The following PRR5L variants were observed in gnomAD, a reference collection of about 807,000 sequenced individuals.
PRR5L encodes the protein proline rich 5 like.
PRR5L carries 21 observed loss-of-function variants against 36.4 expected under a neutral mutation model. The ratio of observed to expected loss-of-function variants is 0.58; its 90% CI spans 0.41 to 0.83. The LOEUF (loss-of-function observed/expected upper bound fraction) is 0.83. Ranked by LOEUF, PRR5L falls within the 40% of genes least tolerant of loss-of-function variation. The pLI is 0.00. For missense variants in PRR5L, 381 were observed against 473.3 expected (o/e 0.80, Z 1.81); for synonymous variants, 188 against 197.0 (o/e 0.95, Z 0.38).
chr11:36,356,982 C>T (rs1053337830), intron 1 of PRR5L, among the ~76,000 whole-genome samples: 8 of 152,172 alleles, frequency 5.3e-5, no homozygotes, highest in African/African-American at 1.9e-4. Context: ...GGGTCAAAAG[C>T]TAGACCTCTT....
intron 1 of PRR5L, among the ~76,000 whole-genome samples, chr11:36,355,385 T>C (rs1025973069): frequency 6.6e-6 from 1 of 152,172 alleles, no homozygotes; most frequent in Non-Finnish European, 1.5e-5. Context: ...TCTAAGCATA[T>C]TGCACTTTCA....
At position 36,403,789 on chromosome 11, in the gene PRR5L, G is replaced by A. The variant is rs76180208; in HGVS notation, c.245+411G>A. On this transcript the variant is annotated intron_variant, in intron 3 of 8. Coordinates refer to ENST00000530639, the MANE Select transcript of PRR5L (RefSeq NM_001160167.2). ...GACTTACCAGCAAACATTTGAGTGC[G>A]TCTCTGTTGGCCAGGCACTGGAGAG... is the stretch of plus-strand genomic sequence containing the variant. 5.3e-5 allele frequency among the ~76,000 whole-genome samples: 8 copies of A among 152,268 alleles called. No individual in the cohort carries two copies. In the East Asian group the frequency reaches 9.6e-4, roughly 18 times the overall value.
Position 36,354,919 on chromosome 11 carries a change from C to A in PRR5L, c.-125-46078C>A, listed in dbSNP as rs138234410. ...TGTGGCTAGAGCTCAGCATCAATTTCAGATGCCTTATGCAAATTCAGGAGA... is the reference window on the plus strand; with the variant it reads ...TGTGGCTAGAGCTCAGCATCAATTTAAGATGCCTTATGCAAATTCAGGAGA... On this transcript the variant is annotated intron_variant, in intron 1 of 8. Coordinates refer to ENST00000530639, the MANE Select transcript of PRR5L (RefSeq NM_001160167.2). Among the ~76,000 whole-genome samples the A allele has an allele frequency of 1.1e-4, 17 of 152,316 alleles. No homozygotes were observed. The East Asian group carries it at 2.3e-3, about 21-fold the overall frequency.
At chr11:36,307,858 G>A (rs1475500319) in intron 1 of PRR5L, among the ~76,000 whole-genome samples, 1 of 152,192 alleles carries the variant, frequency 6.6e-6, no homozygotes, top group African/African-American at 2.4e-5. Context: ...TACGTCCAGG[G>A]GAAGAAGAGA....
At chr11:36,323,796 G>A (rs1008146161) in intron 1 of PRR5L, among the ~76,000 whole-genome samples, 1 of 152,186 alleles carries the variant, frequency 6.6e-6, no homozygotes, top group Non-Finnish European at 1.5e-5. Flanking sequence ...GATGCAGAAA[G>A]ATTGCTTCAG....
intron 8 of PRR5L, among the ~76,000 whole-genome samples, chr11:36,451,913 G>C (rs959875124): frequency 6.6e-6 from 1 of 152,062 alleles, no homozygotes; most frequent in Non-Finnish European, 1.5e-5. Flanking sequence ...GTGAGTGTCA[G>C]GCTCTGTACC....
chr11:36,403,198 G>A, intron 2 of PRR5L, 100 bp from the exon 3 acceptor site: 1 of 941,858 alleles, frequency 1.1e-6, no homozygotes. Flanking sequence ...TTTGTGCTAT[G>A]AGCTTCCTGG....
intron 1 of PRR5L, among the ~76,000 whole-genome samples, chr11:36,325,379 G>C (rs1856651283): frequency 6.6e-6 from 1 of 152,254 alleles, no homozygotes; most frequent in African/African-American, 2.4e-5. Flanking sequence ...GGCAGTGGTG[G>C]ACGGGGAGCG....
At chr11:36,311,374 G>T (rs534870871) in intron 1 of PRR5L, among the ~76,000 whole-genome samples, 2 of 152,330 alleles carry the variant, frequency 1.3e-5, no homozygotes, top group African/African-American at 4.8e-5. Flanking sequence ...GGGAGCAAAT[G>T]TCTTGGTAGA....
chr11:36,408,341 A>C (rs1590549696), intron 3 of PRR5L, among the ~76,000 whole-genome samples: 1 of 152,092 alleles, frequency 6.6e-6, no homozygotes, highest in Non-Finnish European at 1.5e-5. Flanking sequence ...ATGTTGTCCC[A>C]TGTAAAAGTC....
chr11:36,414,578 A>T (rs1431342807), intron 3 of PRR5L, among the ~76,000 whole-genome samples: 3 of 140,036 alleles, frequency 2.1e-5, no homozygotes, highest in African/African-American at 8.2e-5. Flanking sequence ...TTTCTTGTAA[A>T]TTTGTTTGAG....
chr11:36,394,139 A>G (rs1263550001), intron 1 of PRR5L: 1 of 152,270 alleles, frequency 6.6e-6, no homozygotes, highest in Non-Finnish European at 1.5e-5. Context: ...GCATTTATCA[A>G]GCACTTGCTG....
At chr11:36,429,158 A>G (rs141557064) in intron 4 of PRR5L, among the ~76,000 whole-genome samples, 156 of 152,340 alleles carry the variant, frequency 1.0e-3, no homozygotes, top group African/African-American at 3.5e-3. Flanking sequence ...GATATGGACA[A>G]TGTAATTTTC....
At chr11:36,362,678 T>A (rs12290178) in intron 1 of PRR5L, among the ~76,000 whole-genome samples, 3,574 of 152,306 alleles carry the variant, frequency 0.023, 156 homozygotes, top group African/African-American at 0.082. Flanking sequence ...CTTTCTCACT[T>A]CCACTTTTCC....
chr11:36,402,945 G>A (rs1857829067), intron 2 of PRR5L, among the ~76,000 whole-genome samples: 2 of 152,220 alleles, frequency 1.3e-5, no homozygotes, highest in African/African-American at 2.4e-5. Context: ...CGCAGGCATG[G>A]GTCAGCTTCT....
chr11:36,411,467 C>G (rs879701038), intron 3 of PRR5L, among the ~76,000 whole-genome samples: 5 of 151,986 alleles, frequency 3.3e-5, no homozygotes, highest in Non-Finnish European at 7.4e-5. Flanking sequence ...CCCATTTTTT[C>G]CCCCTGTTAT....
chr11:36,316,952 A>C (rs2133460194), intron 1 of PRR5L, among the ~76,000 whole-genome samples: 1 of 152,326 alleles, frequency 6.6e-6, no homozygotes, highest in East Asian at 1.9e-4. Flanking sequence ...CTTAAATGTT[A>C]GGAGCAAGAT....
intron 1 of PRR5L, among the ~76,000 whole-genome samples, chr11:36,347,271 T>A (rs1267563473): frequency 6.6e-6 from 1 of 152,196 alleles, no homozygotes; most frequent in African/African-American, 2.4e-5. Flanking sequence ...ACATATGCAG[T>A]GGGAATTCCC....
At chr11:36,307,735 T>A (rs1856450165) in intron 1 of PRR5L, among the ~76,000 whole-genome samples, 1 of 152,208 alleles carries the variant, frequency 6.6e-6, no homozygotes, top group South Asian at 2.1e-4. Flanking sequence ...GGTGTGAACT[T>A]CTTCTTCCTT....
Sources: gnomAD v4.1 joint callset for allele counts (sites outside exome capture counted in the v4.1 genomes callset) on GRCh38, gnomAD v4.1.1 for gene constraint, MANE v1.5 for transcripts, NCBI Gene and HGNC (gene_info 2026-07-23, HGNC 2026-07-21) for gene names.